Variants in MTM1 observed in about 807,000 individuals in gnomAD.
MTM1 encodes myotubularin.
Under a neutral mutation model 52.1 loss-of-function variants are expected in MTM1, and 9 were observed. That is an observed-to-expected ratio of 0.17 (90% CI 0.10 to 0.30). MTM1 has a LOEUF of 0.30. MTM1 is among the 10% of genes least tolerant of loss of function. The pLI, the probability that MTM1 is intolerant of heterozygous loss-of-function variation, is 1.00. For missense variants in MTM1, 277 were observed against 470.7 expected (o/e 0.59, Z 3.81); for synonymous variants, 136 against 163.8 (o/e 0.83, Z 1.29).
At chrX:150,600,648 G>T (rs1302551309) in intron 4 of MTM1, among the ~76,000 whole-genome samples, 1 of 112,146 alleles carries the variant, frequency 8.9e-6, no homozygotes, top group Non-Finnish European at 1.9e-5. Context: ...TGACTAAAAA[G>T]GGACATGATG....
At chrX:150,585,844 C>G (rs2038777081) in intron 1 of MTM1, among the ~76,000 whole-genome samples, 1 of 112,124 alleles carries the variant, frequency 8.9e-6, no homozygotes, top group Non-Finnish European at 1.9e-5. Context: ...ATATCACTTT[C>G]AATTTATGAA....
chrX:150,608,419 G>C lies in MTM1; in HGVS notation c.232-6170G>C, dbSNP rs187879302. Among the ~76,000 whole-genome samples the C allele has an allele frequency of 5.5e-4, 61 of 111,164 alleles. 1 individual carries two copies. Among genetic ancestry groups the C allele is most frequent in the African/African-American group, 1.9e-3 (59 of 30,597 alleles). On this transcript the variant is annotated intron_variant, in intron 4 of 14. Transcript: ENST00000370396. ...TTTTTTGTAGAGATAGGGTCTTGCT[G>C]TGTTGCCCAGGCTGGTCTCAAACTC...
chrX:150,612,305 T>A (rs782505273), intron 4 of MTM1, among the ~76,000 whole-genome samples: 1 of 112,317 alleles, frequency 8.9e-6, no homozygotes, highest in African/African-American at 3.2e-5. Flanking sequence ...TTCCATGGTA[T>A]GGATGCTCGC....
chrX:150,635,524 A>G (rs1402845686), intron 6 of MTM1, among the ~76,000 whole-genome samples: 13 of 112,385 alleles, frequency 1.2e-4, no homozygotes, highest in Admixed American at 2.8e-4. Context: ...GGTTTTAACA[A>G]TTTTGAAATA....
At chrX:150,615,040 A>T (rs2039357574) in intron 5 of MTM1, among the ~76,000 whole-genome samples, 1 of 111,611 alleles carries the variant, frequency 9.0e-6, no homozygotes, top group Admixed American at 9.5e-5. Flanking sequence ...GTTAACATGA[A>T]GGAAGGAGGA....
At chrX:150,604,130 G>T (rs2148440760) in intron 4 of MTM1, among the ~76,000 whole-genome samples, 1 of 111,844 alleles carries the variant, frequency 8.9e-6, no homozygotes, top group Non-Finnish European at 1.9e-5. Flanking sequence ...GTGAGTCCTT[G>T]GGTCTTTCTC....
chrX:150,671,315 C>A, intron 14 of MTM1, 113 bp from the exon 15 acceptor site: 1 of 884,375 alleles, frequency 1.1e-6, no homozygotes, highest in Non-Finnish European at 1.6e-6. Context: ...TTATGGTAAA[C>A]TTTGAGTAAA....
chrX:150,646,265 C>G (rs1248810909), intron 9 of MTM1, among the ~76,000 whole-genome samples: 1 of 111,997 alleles, frequency 8.9e-6, no homozygotes, highest in Non-Finnish European at 1.9e-5. Flanking sequence ...TCAAACACTC[C>G]CTCCCCCATA....
In MTM1 at chrX:150,630,111, T is replaced by A. The variant is rs998957182; in HGVS notation, c.445-8832T>A. 6.3e-4 allele frequency among the ~76,000 whole-genome samples: 71 copies of A among 112,056 alleles called. 1 individual carries two copies. The highest frequency in any genetic ancestry group is 2.3e-3 in the African/African-American group (70 of 30,893). On this transcript the variant is annotated intron_variant, in intron 6 of 14. Coordinates refer to ENST00000370396, the MANE Select transcript of MTM1 (RefSeq NM_000252.3). ...GAAGACATTCTTCTTCTTATTTTTT[T>A]AAACAGAGTCTTGCTCTGTTGCCCA...
intron 1 of MTM1, among the ~76,000 whole-genome samples, chrX:150,570,736 C>G (rs782069648): frequency 9.0e-6 from 1 of 111,606 alleles, no homozygotes; most frequent in Non-Finnish European, 1.9e-5. Context: ...AACCTCTTAT[C>G]TGAAATGATC....
chrX:150,668,647 G>A (rs1185054623), intron 14 of MTM1, among the ~76,000 whole-genome samples: 1 of 111,228 alleles, frequency 9.0e-6, no homozygotes, highest in Non-Finnish European at 1.9e-5. Context: ...CGAGGTTACA[G>A]TGTTCAAGAT....
chrX:150,592,211 C>T lies in MTM1; in HGVS notation c.-10-394C>T, dbSNP rs782270308. On this transcript the variant is annotated intron_variant, in intron 1 of 14. Coordinates refer to ENST00000370396, the MANE Select transcript of MTM1 (RefSeq NM_000252.3). ...TCCATTCTTTTTTCATTCTGCTCGG[C>T]TGCCTCTAAATTATCTTTAAAAAAT... Among the ~76,000 whole-genome samples, 7 of 112,202 alleles carry T rather than the reference C, an allele frequency of 6.2e-5. No individual in the cohort carries two copies. The South Asian group carries it at 2.6e-3, about 42-fold the overall frequency.
chrX:150,652,592 TATATATATATAC>T (rs1163278430), intron 10 of MTM1, among the ~76,000 whole-genome samples: 31 of 96,639 alleles, frequency 3.2e-4, no homozygotes, highest in Admixed American at 7.0e-4. Flanking sequence ...CAAGAAAAGT[TATATATATATAC>T]ATATATATAT....
chrX:150,573,617 A>G (rs969176528), intron 1 of MTM1, among the ~76,000 whole-genome samples: 10 of 112,113 alleles, frequency 8.9e-5, no homozygotes, highest in African/African-American at 2.9e-4. Flanking sequence ...TACATCAGTT[A>G]TCCTTTCCCC....
At chrX:150,649,657 T>C (rs1386472347) in intron 9 of MTM1, 59 bp from the exon 10 acceptor site, 18 of 1,038,666 alleles carry the variant, frequency 1.7e-5, no homozygotes, top group Non-Finnish European at 2.4e-5. Context: ...AATATTTGTG[T>C]AAGTTTCTGA....
In MTM1 at chrX:150,614,805, C is replaced by G. The variant is rs222394; in HGVS notation, c.342+106C>G. ...AAAAAAAAAATCAAAATCTCATGTTCATCTAAGGCCCTGGAAATGGTTCTT... is the reference window on the plus strand; with the variant it reads ...AAAAAAAAAATCAAAATCTCATGTTGATCTAAGGCCCTGGAAATGGTTCTT... On this transcript the variant is annotated intron_variant, in intron 5 of 14. Coordinates refer to ENST00000370396, the MANE Select transcript of MTM1 (RefSeq NM_000252.3). 6,111 of 487,201 alleles carry G rather than the reference C, an allele frequency of 0.013. 252 individuals are homozygous for G. Among genetic ancestry groups the G allele is most frequent in the African/African-American group, 0.12 (5,116 of 40,959 alleles). 40.2% of individuals were successfully genotyped at this position (487,201 alleles called of 1,213,427 possible). A position where few individuals can be genotyped will look rare whatever the true frequency, so the allele number is the denominator to read the frequency against.
chrX:150,670,030 T>C (rs1254053157), intron 14 of MTM1, among the ~76,000 whole-genome samples: 1 of 112,166 alleles, frequency 8.9e-6, no homozygotes, highest in African/African-American at 3.2e-5. Context: ...TCTTCATATA[T>C]TGCTTAAGCT....
intron 1 of MTM1, among the ~76,000 whole-genome samples, chrX:150,576,384 C>T (rs782362040): frequency 8.9e-6 from 1 of 111,823 alleles, no homozygotes; most frequent in East Asian, 2.8e-4. Context: ...TCTGTCTTTT[C>T]ATTCCTGCAT....
chrX:150,613,644 A>G (rs2039331067), intron 4 of MTM1, among the ~76,000 whole-genome samples: 1 of 111,993 alleles, frequency 8.9e-6, no homozygotes, highest in Admixed American at 9.5e-5. Flanking sequence ...GAAGCTTTGA[A>G]AAACTTAGGA....
Sources: gnomAD v4.1 joint callset for allele counts (sites outside exome capture counted in the v4.1 genomes callset) on GRCh38, gnomAD v4.1.1 for gene constraint, MANE v1.5 for transcripts, NCBI Gene and HGNC (gene_info 2026-07-23, HGNC 2026-07-21) for gene names.